TOM1L2: variants seen among roughly 807,000 people sequenced by gnomAD.
TOM1L2 encodes target of myb1 like 2 membrane trafficking protein.
TOM1L2 carries 31 observed loss-of-function variants against 67.9 expected under a neutral mutation model. That is an observed-to-expected ratio of 0.46 (90% CI 0.34 to 0.62). The LOEUF is 0.62. Among genes scored for constraint, TOM1L2 ranks in the 20% least tolerant of loss-of-function variants. The pLI, the probability that TOM1L2 is intolerant of heterozygous loss-of-function variation, is 0.01. For synonymous variants in TOM1L2, 256 were observed against 254.0 expected, an observed-to-expected ratio of 1.01 and a Z score of -0.07; for missense variants, 606 against 663.5, an observed-to-expected ratio of 0.91 and a Z score of 0.95.
At chr17:17,896,778 C>A (rs1339653989) in intron 3 of TOM1L2, among the ~76,000 whole-genome samples, 1 of 152,142 alleles carries the variant, frequency 6.6e-6, no homozygotes, top group African/African-American at 2.4e-5. Context: ...AAGCAGAGAG[C>A]CCCTCAGGGC....
chr17:17,926,167 T>C (rs2040075476), intron 1 of TOM1L2, among the ~76,000 whole-genome samples: 1 of 147,562 alleles, frequency 6.8e-6, no homozygotes, highest in African/African-American at 2.6e-5. Flanking sequence ...TAAAACTCTG[T>C]CTCTTGGAGA....
intron 1 of TOM1L2, among the ~76,000 whole-genome samples, chr17:17,968,449 G>A (rs1450991979): frequency 6.6e-6 from 1 of 152,148 alleles, no homozygotes; most frequent in African/African-American, 2.4e-5. Context: ...GGTGGATCAC[G>A]AGGTCAGGAG....
chr17:17,954,951 C>G (rs1474967298), intron 1 of TOM1L2, among the ~76,000 whole-genome samples: 1 of 152,226 alleles, frequency 6.6e-6, no homozygotes, highest in East Asian at 1.9e-4. Flanking sequence ...TTTGCTCAGC[C>G]CCTTCCTGAC....
chr17:17,916,368 C>T (rs948161659), intron 1 of TOM1L2, among the ~76,000 whole-genome samples: 15 of 152,122 alleles, frequency 9.9e-5, no homozygotes, highest in Admixed American at 6.5e-5. Context: ...TCACCGCGCC[C>T]GGCCTATTTT....
intron 1 of TOM1L2, among the ~76,000 whole-genome samples, chr17:17,955,847 C>T (rs1483243298): frequency 2.0e-5 from 3 of 152,122 alleles, no homozygotes; most frequent in African/African-American, 7.2e-5. Context: ...CTGGTGGGTT[C>T]GTAGTCTCGC....
chr17:17,927,663 CTTTTT>C (rs1191502051), intron 1 of TOM1L2, among the ~76,000 whole-genome samples: 1 of 139,344 alleles, frequency 7.2e-6, no homozygotes, highest in Middle Eastern at 3.4e-3. Context: ...GTTGGCTATA[CTTTTT>C]TTTTTTTTTT....
intron 1 of TOM1L2, among the ~76,000 whole-genome samples, chr17:17,947,283 C>T (rs1649748382): frequency 6.6e-6 from 1 of 152,142 alleles, no homozygotes. Context: ...CTCAGCCTCC[C>T]AAAGTGCTGG....
Position 17,952,376 on chromosome 17 carries a change from CTTTTTTTTTTTT to C in TOM1L2, c.52+19874_52+19885del, listed in dbSNP as rs60388742. 7.6e-3 allele frequency among the ~76,000 whole-genome samples: 607 copies of C among 79,862 alleles called. 2 individuals are homozygous for C. Among genetic ancestry groups the C allele is most frequent in the Non-Finnish European group, 0.011 (418 of 37,664 alleles). The allele number at this position is 79,862 out of a possible 152,430, so 52.4% of individuals were successfully genotyped here. A position where few individuals can be genotyped will look rare whatever the true frequency, so the allele number is the denominator to read the frequency against. ...TATACAGTAAGTGCTTCTTTATTTT[CTTTTTTTTTTTT>C]TTTTTTTTTTTTTTTTTTTTTGAGA... On this transcript the variant is annotated intron_variant, in intron 1 of 14. Coordinates refer to ENST00000379504, the MANE Select transcript of TOM1L2 (RefSeq NM_001082968.2).
chr17:17,886,818 T>G (rs976958535), intron 4 of TOM1L2, among the ~76,000 whole-genome samples: 1 of 152,188 alleles, frequency 6.6e-6, no homozygotes, highest in Non-Finnish European at 1.5e-5. Flanking sequence ...TCTGCTTCCA[T>G]GTTCACAGAG....
intron 1 of TOM1L2, among the ~76,000 whole-genome samples, chr17:17,919,684 T>C (rs2039773653): frequency 6.6e-6 from 1 of 152,222 alleles, no homozygotes; most frequent in African/African-American, 2.4e-5. Flanking sequence ...AAGTTCCCTA[T>C]GGGCAGTTTC....
chr17:17,941,461 GA>G (rs1354645423), intron 1 of TOM1L2, among the ~76,000 whole-genome samples: 2 of 151,910 alleles, frequency 1.3e-5, no homozygotes, highest in African/African-American at 4.9e-5. Context: ...AAACATATGT[GA>G]AAAAGCTAGA....
At chr17:17,872,651 C>T (rs1248551025) in intron 7 of TOM1L2, among the ~76,000 whole-genome samples, 1 of 152,238 alleles carries the variant, frequency 6.6e-6, no homozygotes, top group Admixed American at 6.5e-5. Flanking sequence ...GGGATGTGGA[C>T]GTGCCAACAC....
At chr17:17,905,488 T>C (rs2039050578) in intron 2 of TOM1L2, among the ~76,000 whole-genome samples, 1 of 152,240 alleles carries the variant, frequency 6.6e-6, no homozygotes, top group Non-Finnish European at 1.5e-5. Flanking sequence ...TCACTTCTAA[T>C]CATCATCTCA....
intron 1 of TOM1L2, among the ~76,000 whole-genome samples, chr17:17,946,347 T>A (rs1189758317): frequency 6.6e-6 from 1 of 152,166 alleles, no homozygotes; most frequent in Non-Finnish European, 1.5e-5. Context: ...ATAAATCCTG[T>A]ACCTGTTAGC....
At chr17:17,926,936 T>C (rs1363425727) in intron 1 of TOM1L2, among the ~76,000 whole-genome samples, 2 of 152,212 alleles carry the variant, frequency 1.3e-5, no homozygotes, top group African/African-American at 2.4e-5. Flanking sequence ...CAAGCATGTA[T>C]TCCTGTTTAT....
chr17:17,944,018 T>C (rs996290226), intron 1 of TOM1L2, among the ~76,000 whole-genome samples: 2 of 152,256 alleles, frequency 1.3e-5, no homozygotes, highest in Non-Finnish European at 2.9e-5. Flanking sequence ...TCTCAGTGCA[T>C]GCTGCTACAT....
At chr17:17,944,536 G>C (rs1045154590) in intron 1 of TOM1L2, among the ~76,000 whole-genome samples, 1 of 152,220 alleles carries the variant, frequency 6.6e-6, no homozygotes, top group Admixed American at 6.5e-5. Context: ...GCAAAGAAAG[G>C]TCACAAGACA....
At chr17:17,852,809 G>C (rs1412494800) in intron 12 of TOM1L2, among the ~76,000 whole-genome samples, 1 of 144,266 alleles carries the variant, frequency 6.9e-6, no homozygotes, top group African/African-American at 2.6e-5. Flanking sequence ...AGGTTGCAGT[G>C]AGCCGAGATC....
In TOM1L2 at chr17:17,893,757, G is replaced by A. The variant is rs2038414450; in HGVS notation, c.270C>T (p.Ala90=). ...NCGHRFHILV[A]NRDFIDSVLV... ...GAACACTGTCGATGAAATCTCGGTT[G>A]GCCACAAGGATGTGGAAGCGGTGGC... is the stretch of plus-strand genomic sequence containing the variant. The change falls in exon 4 of 15, where the codon GCC becomes GCT. Residue 90 remains alanine (A), a synonymous_variant. Transcript: ENST00000379504. 1.9e-6 allele frequency: 3 copies of A among 1,614,116 alleles called. No individual in the cohort carries two copies. The highest frequency in any genetic ancestry group is 3.3e-5 in the Admixed American group (2 of 60,014).
Sources: gnomAD v4.1 joint callset for allele counts (sites outside exome capture counted in the v4.1 genomes callset) on GRCh38, gnomAD v4.1.1 for gene constraint, MANE v1.5 for transcripts, NCBI Gene and HGNC (gene_info 2026-07-23, HGNC 2026-07-21) for gene names.